Variants in USP42 observed in about 807,000 individuals in gnomAD.
The protein encoded by USP42 is ubiquitin carboxyl-terminal hydrolase 42.
In USP42, 23 loss-of-function variants were observed where a neutral mutation model predicts 113.0. The observed-to-expected ratio is 0.20, with a 90% CI of 0.15 to 0.29. The LOEUF is 0.29. Ranked by LOEUF, USP42 falls within the 10% of genes least tolerant of loss-of-function variation. USP42 has a pLI of 1.00. For synonymous variants in USP42, 933 were observed against 699.0 expected, an observed-to-expected ratio of 1.33 and a Z score of -5.28; for missense variants, 2,174 against 1,779.8, an observed-to-expected ratio of 1.22 and a Z score of -3.99.
At chr7:6,148,923 A>G (rs1781873134) in intron 12 of USP42, among the ~76,000 whole-genome samples, 1 of 152,146 alleles carries the variant, frequency 6.6e-6, no homozygotes, top group African/African-American at 2.4e-5. Context: ...TTGCTTTTCC[A>G]AAGCCTGTTT....
chr7:6,154,449 C>T lies in USP42; in HGVS notation c.2895C>T (p.Pro965=), dbSNP rs1257306750. ...GAGAGCGCTCGTCCAGCGGGGAGCC[C>T]GCCAGAGAGAGCAGGAGCAAGACTG... ...SRRERSSSGE[P]ARESRSKTEG... Residue 965 remains proline (P), a synonymous_variant, in exon 15 of 18, where the codon CCC becomes CCT. Coordinates refer to ENST00000306177, the MANE Select transcript of USP42 (RefSeq NM_032172.3). 21 of 1,566,526 alleles carry T rather than the reference C, an allele frequency of 1.3e-5. No homozygotes were observed. The highest frequency in any genetic ancestry group is 4.8e-5 in the East Asian group (2 of 41,936).
intron 3 of USP42, among the ~76,000 whole-genome samples, chr7:6,126,121 A>G (rs1780529368): frequency 6.6e-6 from 1 of 151,978 alleles, no homozygotes; most frequent in African/African-American, 2.4e-5. Flanking sequence ...CTCCATTTCT[A>G]TGATTTTGTC....
chr7:6,099,818 C>G, the USP42 span, among the ~76,000 whole-genome samples: 1 of 150,784 alleles, frequency 6.6e-6, no homozygotes, highest in Non-Finnish European at 1.5e-5. Context: ...CAAAAATTAT[C>G]TGGGCATTGT....
chr7:6,115,610 C>A, intron 3 of USP42, 87 bp downstream of exon 3: 3 of 1,456,654 alleles, frequency 2.1e-6, no homozygotes, highest in South Asian at 1.2e-5. Flanking sequence ...AGAATTAATC[C>A]AAGAGTGCTA....
At chr7:6,151,742 C>T (rs769892717) in intron 14 of USP42, among the ~76,000 whole-genome samples, 1 of 152,216 alleles carries the variant, frequency 6.6e-6, no homozygotes, top group Admixed American at 6.5e-5. Context: ...CGTGCCCGGC[C>T]AGCAGAGTCG....
At chr7:6,114,705 T>G (rs1779816002) in intron 2 of USP42, among the ~76,000 whole-genome samples, 1 of 124,396 alleles carries the variant, frequency 8.0e-6, no homozygotes, top group African/African-American at 3.1e-5. Context: ...TTTTTTTTTT[T>G]TGAGACGGAG....
upstream of USP42, among the ~76,000 whole-genome samples, chr7:6,104,599 T>G (rs1222648847): frequency 1.3e-5 from 2 of 152,122 alleles, no homozygotes; most frequent in African/African-American, 4.8e-5. Context: ...CCCAAAGTCC[T>G]ACGCCCGCCG....
At position 6,159,291 on chromosome 7, in the gene USP42, C is replaced by T. The variant is rs1219840096; in HGVS notation, c.3944-159C>T. 6.6e-6 allele frequency among the ~76,000 whole-genome samples: 1 copy of T among 152,194 alleles called. No individual in the cohort carries two copies. Among genetic ancestry groups the T allele is most frequent in the Non-Finnish European group, 1.5e-5 (1 of 68,042 alleles). ...TAAAACCCTGGGAGCAGCCGCTGAG[C>T]GCTGGGACATCCCTGCTCACCTCAC... is the stretch of plus-strand genomic sequence containing the variant. On this transcript the variant is annotated intron_variant, in intron 16 of 17. Transcript: ENST00000306177. This position sits in a 1 kb window ranked among gnomAD's most constrained non-coding sequence, Gnocchi z 4.1.
At chr7:6,100,395 C>CGAT, upstream of USP42, among the ~76,000 whole-genome samples, 1 of 149,968 alleles carries the variant, frequency 6.7e-6, no homozygotes, top group Admixed American at 6.6e-5. Flanking sequence ...AATGGTATGG[C>CGAT]CTCAGCTCAT....
In USP42 at chr7:6,154,363, C is replaced by T; in HGVS notation, c.2809C>T (p.Pro937Ser). 6.3e-7 allele frequency: 1 copy of T among 1,575,060 alleles called. No homozygotes were observed. The highest frequency in any genetic ancestry group is 8.6e-7 in the Non-Finnish European group (1 of 1,161,922). Residue 937 changes from proline (P) to serine (S), a missense_variant, in exon 15 of 18, where the codon CCA becomes TCA. Physicochemically the swap from Pro to Ser is moderately conservative, Grantham distance 74 (BLOSUM62 -1). Transcript: ENST00000306177. Reference sequence around the variant, plus strand: ...GGCGCCGAAAGCCCCAGGCCCTTCCCCAGCGAAGGAGAAAATCGGCAGCCT... The same window carrying T: ...GGCGCCGAAAGCCCCAGGCCCTTCCTCAGCGAAGGAGAAAATCGGCAGCCT... ...AAAPKAPGPSPAKEKIGSLRK... is the reference protein window; with the variant it reads ...AAAPKAPGPSSAKEKIGSLRK...
Position 6,153,984 on chromosome 7 carries a change from G to T in USP42, c.2430G>T (p.Val810=). The T allele has an allele frequency of 6.3e-7, 1 of 1,598,110 alleles. No individual in the cohort carries two copies. Among genetic ancestry groups the T allele is most frequent in the Non-Finnish European group, 8.5e-7 (1 of 1,175,220 alleles). ...CGCCCAGCGCCGGCGAGGACATCGT[G>T]GGGGACACAGCACCCCCTGACCTGT... is the stretch of plus-strand genomic sequence containing the variant. The part of the protein sequence containing the change: ...EPPPSAGEDI[V]GDTAPPDLCD... The change falls in exon 15 of 18, where the codon GTG becomes GTT. Residue 810 remains valine, a synonymous_variant. Coordinates refer to ENST00000306177, the MANE Select transcript of USP42 (RefSeq NM_032172.3).
At position 6,154,513 on chromosome 7, in the gene USP42, G is replaced by C; in HGVS notation, c.2959G>C (p.Glu987Gln). ...RHRRRRTCPRERDRQDRHAPE... is the reference protein window; with the variant it reads ...RHRRRRTCPRQRDRQDRHAPE... ...CCGGCGGCGCCGCACCTGCCCCCGG[G>C]AGCGCGACCGCCAGGACCGCCACGC... The change falls in exon 15 of 18, where the codon GAG becomes CAG. Residue 987 changes from glutamate to glutamine, a missense_variant. Transcript: ENST00000306177. 2 of 1,541,294 alleles carry C rather than the reference G, an allele frequency of 1.3e-6. No homozygotes were observed. The highest frequency in any genetic ancestry group is 1.7e-6 in the Non-Finnish European group (2 of 1,143,748).
rs769613765 is a variant in USP42 at position 6,154,994 on chromosome 7, T to G, written c.3440T>G (p.Leu1147Arg). Residue 1147 changes from leucine (L) to arginine (R), a missense_variant, in exon 15 of 18, where the codon CTC becomes CGC. By Grantham distance (102) the Leu-to-Arg change is moderately radical. Coordinates refer to ENST00000306177, the MANE Select transcript of USP42 (RefSeq NM_032172.3). Reference protein sequence around the residue: ...TALVAGDNCNLSDRFHEHENG... With the variant: ...TALVAGDNCNRSDRFHEHENG... ...CTTGTAGCCGGAGACAACTGTAACC[T>G]CTCTGATCGGTTTCACGAACACGAA... 12 of 1,564,158 alleles carry G rather than the reference T, an allele frequency of 7.7e-6. No individual in the cohort carries two copies. The highest frequency in any genetic ancestry group is 9.5e-6 in the Non-Finnish European group (11 of 1,154,098).
rs1423881446 is a variant in USP42 at position 6,121,275 on chromosome 7, G to A, written c.442+5752G>A. On this transcript the variant is annotated intron_variant, in intron 3 of 17. Transcript: ENST00000306177. ...TTTTACCATTAAGTATGGTGTTGTA[G>A]GTTTTTCATAGATGCCTTTTACCAG... Among the ~76,000 whole-genome samples the A allele has an allele frequency of 1.3e-5, 2 of 152,042 alleles. 1 individual carries two copies. The highest frequency in any genetic ancestry group is 2.9e-5 in the Non-Finnish European group (2 of 68,016).
chr7:6,119,841 C>T (rs547271730), intron 3 of USP42, among the ~76,000 whole-genome samples: 1 of 152,108 alleles, frequency 6.6e-6, no homozygotes, highest in Non-Finnish European at 1.5e-5. Flanking sequence ...ATAGCCAGGA[C>T]TACAGGCATG....
the USP42 span, among the ~76,000 whole-genome samples, chr7:6,094,119 T>G: frequency 6.6e-6 from 1 of 150,944 alleles, no homozygotes; most frequent in South Asian, 2.1e-4. Context: ...CCTGACCTCG[T>G]GATCCACCTG....
chr7:6,126,173 T>C (rs1780532101), intron 3 of USP42, among the ~76,000 whole-genome samples: 1 of 152,270 alleles, frequency 6.6e-6, no homozygotes, highest in South Asian at 2.1e-4. Flanking sequence ...TGTAACCTTT[T>C]GGAATTGGCT....
chr7:6,137,952 T>A (rs181705885), intron 4 of USP42, among the ~76,000 whole-genome samples: 27 of 152,350 alleles, frequency 1.8e-4, no homozygotes, highest in Non-Finnish European at 3.8e-4. Flanking sequence ...GTGTTGGAAT[T>A]ACAGGTGTGA....
intron 2 of USP42, among the ~76,000 whole-genome samples, chr7:6,113,617 GT>G (rs1779720305): frequency 6.6e-6 from 1 of 151,462 alleles, no homozygotes; most frequent in Admixed American, 6.6e-5. Context: ...GGTTTTTTTT[GT>G]TTTTGTTTTT....
Sources: gnomAD v4.1 joint callset for allele counts (sites outside exome capture counted in the v4.1 genomes callset) on GRCh38, gnomAD v4.1.1 for gene constraint, Gnocchi (gnomAD v3.1) non-coding constraint, MANE v1.5 for transcripts, NCBI Gene and HGNC (gene_info 2026-07-23, HGNC 2026-07-21) for gene names.